BRIP1: variants seen among roughly 807,000 people sequenced by gnomAD.
BRIP1 encodes the protein BRCA1 interacting DNA helicase 1.
Under a neutral mutation model 119.7 loss-of-function variants are expected in BRIP1, and 88 were observed. The ratio of observed to expected loss-of-function variants is 0.74; its 90% CI spans 0.62 to 0.88. The LOEUF (loss-of-function observed/expected upper bound fraction) is 0.88, where lower values mean the gene tolerates loss of function less well. Ranked by LOEUF, BRIP1 falls within the 40% of genes least tolerant of loss-of-function variation. BRIP1 has a pLI of 0.00. For missense variants in BRIP1, 1,259 were observed against 1,455.4 expected, an observed-to-expected ratio of 0.87 and a Z score of 2.20; for synonymous variants, 443 against 496.5, an observed-to-expected ratio of 0.89 and a Z score of 1.43.
At position 61,737,247 on chromosome 17, in the gene BRIP1, G is replaced by C. The variant is rs2076930744; in HGVS notation, c.2379+5766C>G. On this transcript the variant is annotated intron_variant, in intron 16 of 19. Coordinates refer to ENST00000259008, the MANE Select transcript of BRIP1 (RefSeq NM_032043.3). ...ATCAGTAATTACTTTAAATGTAAAT[G>C]GTTTAAACTCTCCAATTGAAAGGCA... Among the ~76,000 whole-genome samples, 3 of 152,138 alleles carry C rather than the reference G, an allele frequency of 2.0e-5. No individual in the cohort carries two copies. The South Asian group carries it at 6.2e-4, about 32-fold the overall frequency.
At position 61,728,132 on chromosome 17, in the gene BRIP1, A is replaced by G. The variant is rs138609606; in HGVS notation, c.2380-12069T>C. Reference sequence around the variant, plus strand: ...GCGTGAGCCACCGCGCCTGGCCACAAAGGTTTGATTTTTAAAATATATGAT... The same window carrying G: ...GCGTGAGCCACCGCGCCTGGCCACAGAGGTTTGATTTTTAAAATATATGAT... On this transcript the variant is annotated intron_variant, in intron 16 of 19. Transcript: ENST00000259008. Among the ~76,000 whole-genome samples, 325 of 152,196 alleles carry G rather than the reference A, an allele frequency of 2.1e-3. 1 individual carries two copies. The highest frequency in any genetic ancestry group is 7.2e-3 in the African/African-American group (298 of 41,554).
At position 61,828,939 on chromosome 17, in the gene BRIP1, C is replaced by A. The variant is rs1164027782; in HGVS notation, c.627+18162G>T. 6.6e-6 allele frequency among the ~76,000 whole-genome samples: 1 copy of A among 151,916 alleles called. No homozygotes were observed. The highest frequency in any genetic ancestry group is 1.5e-5 in the Non-Finnish European group (1 of 67,962). ...GGTACACTGTGATAAGTTTAAGATG[C>A]AAAGTATGAAGCAACTCACAAAAAT... On this transcript the variant is annotated intron_variant, in intron 6 of 19. Transcript: ENST00000259008. This position sits in a 1 kb window ranked among gnomAD's most constrained non-coding sequence, Gnocchi z 4.1.
Position 61,751,243 on chromosome 17 carries a change from T to C in BRIP1, c.2098-6652A>G, listed in dbSNP as rs760275224. Among the ~76,000 whole-genome samples, 2 of 152,184 alleles carry C rather than the reference T, an allele frequency of 1.3e-5. No homozygotes were observed. Among genetic ancestry groups the C allele is most frequent in the Non-Finnish European group, 2.9e-5 (2 of 68,020 alleles). ...TATTTTTGTACACAAAGTACAAATA[T>C]TATATGATTTCACTTATATGAGGTA... is the stretch of plus-strand genomic sequence containing the variant. On this transcript the variant is annotated intron_variant, in intron 14 of 19. Transcript: ENST00000259008. The surrounding 1 kb of genome is among the most constrained non-coding windows in gnomAD (Gnocchi z 6.7).
intron 14 of BRIP1, among the ~76,000 whole-genome samples, chr17:61,766,502 C>G (rs1039922954): frequency 1.3e-5 from 2 of 151,940 alleles, no homozygotes. Flanking sequence ...GCCTTCTACA[C>G]GAGGGGAAAA....
rs896678468 is a variant in BRIP1, at chr17:61,746,357, C to A, written c.2098-1766G>T. Among the ~76,000 whole-genome samples the A allele has an allele frequency of 6.6e-6, 1 of 151,906 alleles. No homozygotes were observed. Among genetic ancestry groups the A allele is most frequent in the Non-Finnish European group, 1.5e-5 (1 of 67,976 alleles). On this transcript the variant is annotated intron_variant, in intron 14 of 19. Transcript: ENST00000259008. This position sits in a 1 kb window ranked among gnomAD's most constrained non-coding sequence, Gnocchi z 4.9. Reference sequence around the variant, plus strand: ...AAATGATAATAATGTCTTTCCCTATCGGTCATTACTTTAAATGTAAATGGA... The same window carrying A: ...AAATGATAATAATGTCTTTCCCTATAGGTCATTACTTTAAATGTAAATGGA...
chr17:61,792,085 A>C (rs2077827019), intron 10 of BRIP1, among the ~76,000 whole-genome samples: 1 of 152,184 alleles, frequency 6.6e-6, no homozygotes, highest in Non-Finnish European at 1.5e-5. Context: ...CTTTTTGTCA[A>C]GAGACAAAGT....
Position 61,852,524 on chromosome 17 carries a change from C to T in BRIP1, c.380-3268G>A, listed in dbSNP as rs1289211129. On this transcript the variant is annotated intron_variant, in intron 4 of 19. Coordinates refer to ENST00000259008, the MANE Select transcript of BRIP1 (RefSeq NM_032043.3). The surrounding 1 kb of genome is among the most constrained non-coding windows in gnomAD (Gnocchi z 4.9). ...TTCTACTAAAAATACAAAAATCAGC[C>T]GGGCGTGGTGGCAGGTGCCTGTAAT... Among the ~76,000 whole-genome samples the T allele has an allele frequency of 1.3e-5, 2 of 151,978 alleles. No individual in the cohort carries two copies. The highest frequency in any genetic ancestry group is 3.9e-4 in the East Asian group (2 of 5,160).
At position 61,754,800 on chromosome 17, in the gene BRIP1, A is replaced by G. The variant is rs1466982165; in HGVS notation, c.2098-10209T>C. On this transcript the variant is annotated intron_variant, in intron 14 of 19. Transcript: ENST00000259008. This position sits in a 1 kb window ranked among gnomAD's most constrained non-coding sequence, Gnocchi z 4.1. ...CTTTCCTCTCTATTCAGAGAGGAAC[A>G]GGGAGAGAGAGCAATGAAGTTTTCT... 6.6e-6 allele frequency among the ~76,000 whole-genome samples: 1 copy of G among 152,148 alleles called. No individual in the cohort carries two copies. Among genetic ancestry groups the G allele is most frequent in the Admixed American group, 6.5e-5 (1 of 15,276 alleles).
intron 16 of BRIP1, among the ~76,000 whole-genome samples, chr17:61,733,358 A>C (rs2076875902): frequency 6.6e-6 from 1 of 152,158 alleles, no homozygotes; most frequent in African/African-American, 2.4e-5. Context: ...TCTCAAAAAA[A>C]ATTTTTTTTT....
chr17:61,741,030 C>T (rs895817501), intron 16 of BRIP1, among the ~76,000 whole-genome samples: 3 of 152,180 alleles, frequency 2.0e-5, no homozygotes, highest in African/African-American at 7.2e-5. Flanking sequence ...AAATTGGGGT[C>T]AAGCCTCTCA....
chr17:61,847,018 T>C, intron 6 of BRIP1, 83 bp downstream of exon 6: 1 of 1,543,100 alleles, frequency 6.5e-7, no homozygotes, highest in Non-Finnish European at 8.9e-7. Flanking sequence ...TGTATTATAC[T>C]ATTGTTCCTC....
At position 61,784,725 on chromosome 17, in the gene BRIP1, T is replaced by A. The variant is rs547265260; in HGVS notation, c.1474-301A>T. Among the ~76,000 whole-genome samples the A allele has an allele frequency of 2.0e-5, 3 of 152,210 alleles. No individual in the cohort carries two copies. In the South Asian group the frequency reaches 6.2e-4, roughly 32 times the overall value. ...TGTTAGTTCCCACGAGAGCTGGTTG[T>A]TAGAAAGAGCCTGACACCTCCCTCC... On this transcript the variant is annotated intron_variant, in intron 10 of 19. Coordinates refer to ENST00000259008, the MANE Select transcript of BRIP1 (RefSeq NM_032043.3).
chr17:61,803,224 G>C lies in BRIP1; in HGVS notation c.919-1750C>G, dbSNP rs2078022297. ...ATTCTTGTGCCTCAGCCACCAAGTAGCTGGAACCACAAGTGCATCACCACA... is the reference window on the plus strand; with the variant it reads ...ATTCTTGTGCCTCAGCCACCAAGTACCTGGAACCACAAGTGCATCACCACA... On this transcript the variant is annotated intron_variant, in intron 7 of 19. Transcript: ENST00000259008. The surrounding 1 kb of genome is among the most constrained non-coding windows in gnomAD (Gnocchi z 4.3). 6.6e-6 allele frequency among the ~76,000 whole-genome samples: 1 copy of C among 151,994 alleles called. No individual in the cohort carries two copies. The highest frequency in any genetic ancestry group is 2.1e-4 in the South Asian group (1 of 4,824).
At chr17:61,772,597 T>C (rs541714401) in intron 14 of BRIP1, among the ~76,000 whole-genome samples, 1 of 152,136 alleles carries the variant, frequency 6.6e-6, no homozygotes, top group South Asian at 2.1e-4. Flanking sequence ...GGCGGGCAGA[T>C]CATCTGAGGT....
chr17:61,814,970 T>TC lies in BRIP1; in HGVS notation c.628-6214dup, dbSNP rs2078215317. ...GTATGGCTTAAACAAAATTGTATTT[T>TC]CCCCATAAAATTCTAAATAAGTTGA... On this transcript the variant is annotated intron_variant, in intron 6 of 19. Transcript: ENST00000259008. The surrounding 1 kb of genome is among the most constrained non-coding windows in gnomAD (Gnocchi z 4.9). Among the ~76,000 whole-genome samples the TC allele has an allele frequency of 6.6e-6, 1 of 151,806 alleles. No homozygotes were observed. The highest frequency in any genetic ancestry group is 2.4e-5 in the African/African-American group (1 of 41,364).
intron 17 of BRIP1, among the ~76,000 whole-genome samples, chr17:61,715,312 A>G (rs2061843497): frequency 6.6e-6 from 1 of 152,100 alleles, no homozygotes; most frequent in South Asian, 2.1e-4. Flanking sequence ...AGGCACAAGA[A>G]AATATAGATT....
At chr17:61,773,390 C>T (rs1378274551) in intron 14 of BRIP1, among the ~76,000 whole-genome samples, 1 of 152,028 alleles carries the variant, frequency 6.6e-6, no homozygotes, top group Non-Finnish European at 1.5e-5. Flanking sequence ...CCCTTCCTTA[C>T]ACCTTATACA....
At chr17:61,811,293 C>T (rs2078157545) in intron 6 of BRIP1, among the ~76,000 whole-genome samples, 2 of 151,936 alleles carry the variant, frequency 1.3e-5, no homozygotes, top group Admixed American at 6.6e-5. Flanking sequence ...GGCATGATCT[C>T]GGCTTACCAC....
rs1260860244 is a variant in BRIP1, at chr17:61,810,527, T to G, written c.628-1770A>C. Among the ~76,000 whole-genome samples, 1 of 152,218 alleles carries G rather than the reference T, an allele frequency of 6.6e-6. No individual in the cohort carries two copies. Among genetic ancestry groups the G allele is most frequent in the East Asian group, 1.9e-4 (1 of 5,198 alleles). ...CTATTTCTCTTCCTTATGATACAGTTAAATTCATGTGAATACTAGAATGCT... is the reference window on the plus strand; with the variant it reads ...CTATTTCTCTTCCTTATGATACAGTGAAATTCATGTGAATACTAGAATGCT... On this transcript the variant is annotated intron_variant, in intron 6 of 19. Transcript: ENST00000259008. The surrounding 1 kb of genome is among the most constrained non-coding windows in gnomAD (Gnocchi z 4.7).
Sources: allele counts gnomAD v4.1 joint callset (sites outside exome capture counted in the v4.1 genomes callset), GRCh38; gene constraint gnomAD v4.1.1; non-coding constraint Gnocchi (gnomAD v3.1); transcripts MANE v1.5; gene names NCBI Gene and HGNC (gene_info 2026-07-23, HGNC 2026-07-21).